The following MYLK variants were observed in gnomAD, a reference collection of about 807,000 sequenced individuals.
MYLK encodes the protein myosin light chain kinase, smooth muscle.
A neutral mutation model predicts 203.4 loss-of-function variants in MYLK; 106 were observed. That is an observed-to-expected ratio of 0.52 (90% CI 0.45 to 0.61). The LOEUF is 0.61. MYLK is among the 20% of genes least tolerant of loss of function. The pLI is 0.00. For missense variants in MYLK, 2,072 were observed against 2,442.3 expected (o/e 0.85, Z 3.20); for synonymous variants, 867 against 959.5 (o/e 0.90, Z 1.78).
At chr3:123,867,116 A>G (rs1373733288) in intron 2 of MYLK, among the ~76,000 whole-genome samples, 1 of 152,152 alleles carries the variant, frequency 6.6e-6, no homozygotes, top group Admixed American at 6.5e-5. Context: ...CAAGAACAGA[A>G]GCAGCACTGG....
intron 8 of MYLK, 130 bp from the exon 9 acceptor site, chr3:123,735,546 C>T (rs1335290835): frequency 1.7e-5 from 17 of 1,015,802 alleles, no homozygotes; most frequent in Non-Finnish European, 2.5e-5. Context: ...TGGTGCTGAA[C>T]GTCTTTGGCC....
At chr3:123,810,584 C>G (rs1204689009) in intron 3 of MYLK, among the ~76,000 whole-genome samples, 1 of 152,244 alleles carries the variant, frequency 6.6e-6, no homozygotes, top group African/African-American at 2.4e-5. Flanking sequence ...AATGGGGATG[C>G]CAGTCATGTC....
intron 2 of MYLK, among the ~76,000 whole-genome samples, chr3:123,854,127 A>G (rs2031130677): frequency 6.7e-6 from 1 of 149,832 alleles, no homozygotes; most frequent in Non-Finnish European, 1.5e-5. Flanking sequence ...GCTATCCTAG[A>G]TCATCTAGTC....
At chr3:123,850,700 T>C (rs1408096818) in intron 2 of MYLK, among the ~76,000 whole-genome samples, 1 of 152,254 alleles carries the variant, frequency 6.6e-6, no homozygotes, top group Non-Finnish European at 1.5e-5. Context: ...AGATTGCCTG[T>C]TCACTCTGAT....
intron 4 of MYLK, among the ~76,000 whole-genome samples, chr3:123,777,213 C>T (rs1215709683): frequency 6.6e-6 from 1 of 152,270 alleles, no homozygotes; most frequent in Non-Finnish European, 1.5e-5. Context: ...CGCACATCTG[C>T]CATTGCATCA....
chr3:123,775,022 A>G (rs1217132898), intron 4 of MYLK, among the ~76,000 whole-genome samples: 1 of 151,894 alleles, frequency 6.6e-6, no homozygotes, highest in Admixed American at 6.6e-5. Flanking sequence ...CAGATTCAAC[A>G]TGGTAAATTT....
intron 24 of MYLK, among the ~76,000 whole-genome samples, chr3:123,654,513 G>A (rs2059329645): frequency 6.6e-6 from 1 of 152,014 alleles, no homozygotes; most frequent in Admixed American, 6.6e-5. Context: ...ATTAGAAGAA[G>A]TCAAATACAT....
chr3:123,718,207 C>G (rs2061970008), intron 13 of MYLK, among the ~76,000 whole-genome samples: 1 of 152,134 alleles, frequency 6.6e-6, no homozygotes, highest in Non-Finnish European at 1.5e-5. Flanking sequence ...CCTGCACACC[C>G]TAATGGGCAC....
At position 123,734,095 on chromosome 3, in the gene MYLK, G is replaced by A. The variant is rs545515041; in HGVS notation, c.901C>T (p.Gln301Ter). ...AAKSKNCSSP[Q>*]RGGSPPWAAN... ...GCCCAGGGTGGGGAGCCACCTCTCT[G>A]GGGGCTGGAGCAGTTCTTGCTTTTG... is the stretch of plus-strand genomic sequence containing the variant. Residue 301 changes from glutamine to a stop codon, truncating the protein, a stop_gained, in exon 10 of 34, where the codon CAG (glutamine) becomes TAG (stop). Transcript: ENST00000360304. LOFTEE classifies it high-confidence loss of function. 1.2e-6 allele frequency: 2 copies of A among 1,610,424 alleles called. No homozygotes were observed. Among genetic ancestry groups the A allele is most frequent in the Non-Finnish European group, 1.7e-6 (2 of 1,178,036 alleles).
chr3:123,829,145 T>C (rs1330669732), intron 3 of MYLK, among the ~76,000 whole-genome samples: 2 of 152,180 alleles, frequency 1.3e-5, no homozygotes, highest in Admixed American at 6.5e-5. Flanking sequence ...TGTATCCCCA[T>C]GTCTACTGCA....
intron 4 of MYLK, among the ~76,000 whole-genome samples, chr3:123,758,839 T>G (rs1386130401): frequency 6.6e-6 from 1 of 152,198 alleles, no homozygotes; most frequent in Non-Finnish European, 1.5e-5. Context: ...TTTCTTTTTT[T>G]TCTGAGACAC....
intron 3 of MYLK, among the ~76,000 whole-genome samples, chr3:123,808,448 TG>T (rs895460488): frequency 6.9e-6 from 1 of 145,516 alleles, no homozygotes. Context: ...AAGATTTGGG[TG>T]AAGCATTTTT....
At chr3:123,753,618 G>T (rs561318349) in intron 4 of MYLK, among the ~76,000 whole-genome samples, 2 of 152,006 alleles carry the variant, frequency 1.3e-5, no homozygotes, top group East Asian at 3.9e-4. Flanking sequence ...TAAATTCAAA[G>T]AAAAGAATTC....
chr3:123,831,227 C>T (rs1268237454), intron 3 of MYLK, among the ~76,000 whole-genome samples: 2 of 152,226 alleles, frequency 1.3e-5, no homozygotes, highest in African/African-American at 2.4e-5. Flanking sequence ...AGTACCACAG[C>T]GTGCAGTGTG....
chr3:123,679,706 G>A (rs1560061015), intron 20 of MYLK, among the ~76,000 whole-genome samples: 1 of 152,208 alleles, frequency 6.6e-6, no homozygotes, highest in Admixed American at 6.5e-5. Flanking sequence ...AGTCATGAAT[G>A]TGTGTTTTCT....
intron 18 of MYLK, among the ~76,000 whole-genome samples, chr3:123,695,803 C>A (rs184767322): frequency 4.6e-5 from 7 of 152,186 alleles, no homozygotes; most frequent in Admixed American, 2.0e-4. Flanking sequence ...GGAGGAGGAG[C>A]CTGGCCTGGA....
intron 27 of MYLK, chr3:123,644,703 T>C (rs917946574): frequency 6.6e-6 from 1 of 152,162 alleles, no homozygotes; most frequent in African/African-American, 2.4e-5. Flanking sequence ...CTAGAATAAA[T>C]GTGAAAAGAT....
At chr3:123,815,911 A>G (rs9864602) in intron 3 of MYLK, among the ~76,000 whole-genome samples, 4,124 of 152,332 alleles carry the variant, frequency 0.027, 74 homozygotes, top group Non-Finnish European at 0.04. Flanking sequence ...AGGTGCTATA[A>G]TAGTCCCTGG....
intron 4 of MYLK, 134 bp from the exon 5 acceptor site, chr3:123,752,672 A>C: frequency 1.0e-6 from 1 of 972,948 alleles, no homozygotes; most frequent in Non-Finnish European, 1.6e-6. Context: ...CTCATTTTAC[A>C]GATAAGGAAA....
Sources: gnomAD v4.1 joint callset for allele counts (sites outside exome capture counted in the v4.1 genomes callset) on GRCh38, gnomAD v4.1.1 for gene constraint, MANE v1.5 for transcripts, NCBI Gene and HGNC (gene_info 2026-07-23, HGNC 2026-07-21) for gene names.